CSTPP1: variants seen among roughly 807,000 people sequenced by gnomAD.
The protein encoded by CSTPP1 is UPF0705 protein C11orf49.
chr11:46,987,355 C>A, the CSTPP1 span: 1 of 1,493,682 alleles, frequency 6.7e-7, no homozygotes. Flanking sequence ...CCAGAGGAGG[C>A]GCTTGGAAGC....
At chr11:47,128,698 T>C in the CSTPP1 span, among the ~76,000 whole-genome samples, 67 of 152,194 alleles carry the variant, frequency 4.4e-4, no homozygotes, top group African/African-American at 1.3e-3. Context: ...TAGATTTCTA[T>C]TTTTTAAAAT....
At chr11:47,045,204 A>AT in the CSTPP1 span, among the ~76,000 whole-genome samples, 1 of 152,210 alleles carries the variant, frequency 6.6e-6, no homozygotes, top group South Asian at 2.1e-4. Flanking sequence ...ACTGAATTAA[A>AT]TTTCACTCCA....
chr11:47,004,445 C>G, the CSTPP1 span: 2 of 151,974 alleles, frequency 1.3e-5, no homozygotes, highest in Non-Finnish European at 2.9e-5. Flanking sequence ...TCCCAAAATG[C>G]TAGAATTACA....
chr11:47,025,251 C>A, the CSTPP1 span, among the ~76,000 whole-genome samples: 6 of 152,092 alleles, frequency 3.9e-5, no homozygotes, highest in African/African-American at 1.4e-4. Context: ...GTGAGACCAA[C>A]TTTGGAGATA....
the CSTPP1 span, among the ~76,000 whole-genome samples, chr11:46,940,527 G>A: frequency 1.3e-5 from 2 of 152,114 alleles, no homozygotes; most frequent in Non-Finnish European, 2.9e-5. Flanking sequence ...ATCAAACTTG[G>A]ATTTTTTTCA....
At chr11:46,984,545 T>A in the CSTPP1 span, among the ~76,000 whole-genome samples, 1 of 152,188 alleles carries the variant, frequency 6.6e-6, no homozygotes, top group East Asian at 1.9e-4. Context: ...CTTTCCTTTT[T>A]TATATTTTTG....
At chr11:46,942,380 T>C in the CSTPP1 span, among the ~76,000 whole-genome samples, 3 of 152,196 alleles carry the variant, frequency 2.0e-5, no homozygotes, top group Non-Finnish European at 2.9e-5. Context: ...GGGCAGCCTG[T>C]TCTGGTCCCA....
chr11:46,970,976 A>G, the CSTPP1 span, among the ~76,000 whole-genome samples: 1 of 152,218 alleles, frequency 6.6e-6, no homozygotes, highest in Non-Finnish European at 1.5e-5. Context: ...GATGTACATG[A>G]AGTATTAAGT....
At chr11:47,154,450 C>CA in the CSTPP1 span, 1 of 152,286 alleles carries the variant, frequency 6.6e-6, no homozygotes, top group Non-Finnish European at 1.5e-5. Context: ...CTTTATGAGT[C>CA]AGACGGTTTT....
At chr11:46,942,595 T>C in the CSTPP1 span, among the ~76,000 whole-genome samples, 2 of 152,358 alleles carry the variant, frequency 1.3e-5, no homozygotes, top group Non-Finnish European at 2.9e-5. Flanking sequence ...AAGATGGCCT[T>C]TCTCCTTTGG....
At chr11:47,161,487 T>C in the CSTPP1 span, 27 of 1,613,862 alleles carry the variant, frequency 1.7e-5, no homozygotes, top group Non-Finnish European at 2.3e-5. Context: ...CCAGGCCTGG[T>C]CAACTCGGTC....
chr11:47,002,959 A>G, the CSTPP1 span, among the ~76,000 whole-genome samples: 2 of 152,232 alleles, frequency 1.3e-5, no homozygotes, highest in Non-Finnish European at 2.9e-5. Context: ...AAGTACACTC[A>G]CACGAGTCTT....
the CSTPP1 span, among the ~76,000 whole-genome samples, chr11:46,942,373 C>A: frequency 6.6e-6 from 1 of 152,184 alleles, no homozygotes; most frequent in Non-Finnish European, 1.5e-5. Flanking sequence ...AGCCAAAGGG[C>A]AGCCTGTTCT....
the CSTPP1 span, among the ~76,000 whole-genome samples, chr11:46,971,980 C>T: frequency 6.6e-6 from 1 of 152,204 alleles, no homozygotes; most frequent in South Asian, 2.1e-4. Flanking sequence ...AATAAGATTG[C>T]CATCAGCTTC....
At chr11:47,040,394 G>T in the CSTPP1 span, among the ~76,000 whole-genome samples, 1,627 of 126,788 alleles carry the variant, frequency 0.013, 489 homozygotes, top group Middle Eastern at 0.017. Flanking sequence ...AGGACAACTA[G>T]AGCACTTCTA....
the CSTPP1 span, among the ~76,000 whole-genome samples, chr11:46,991,892 C>G: frequency 6.6e-6 from 1 of 152,146 alleles, no homozygotes; most frequent in Non-Finnish European, 1.5e-5. Flanking sequence ...AGGCACCCGC[C>G]ACCATACCTG....
chr11:47,024,486 T>C, the CSTPP1 span, among the ~76,000 whole-genome samples: 113 of 152,286 alleles, frequency 7.4e-4, no homozygotes, highest in African/African-American at 2.6e-3. Flanking sequence ...GTAGCTACTT[T>C]GTAATTTTCA....
At chr11:46,959,940 C>T in the CSTPP1 span, among the ~76,000 whole-genome samples, 4 of 148,398 alleles carry the variant, frequency 2.7e-5, no homozygotes, top group Admixed American at 1.3e-4. Flanking sequence ...GATTTCGGCT[C>T]ACTGCAACCT....
chr11:47,149,612 C>T, the CSTPP1 span, among the ~76,000 whole-genome samples: 2 of 152,130 alleles, frequency 1.3e-5, no homozygotes, highest in Non-Finnish European at 2.9e-5. Context: ...ATGCAGATGC[C>T]CACAGCCAGA....
Sources: allele counts gnomAD v4.1 joint callset (sites outside exome capture counted in the v4.1 genomes callset), GRCh38; gene constraint gnomAD v4.1.1; transcripts MANE v1.5; gene names NCBI Gene and HGNC (gene_info 2026-07-23, HGNC 2026-07-21).